The following BCAR3 variants were observed in gnomAD, a reference collection of about 807,000 sequenced individuals.
The protein encoded by BCAR3 is BCAR3 adaptor protein, NSP family member.
In BCAR3, 37 loss-of-function variants were observed where a neutral mutation model predicts 80.1. That is an observed-to-expected ratio of 0.46 (90% CI 0.36 to 0.61). The LOEUF is 0.61. BCAR3 is among the 20% of genes least tolerant of loss of function. The probability of loss-of-function intolerance (pLI) is 0.00; values close to 1 mark genes in which losing one functional copy is unlikely to be tolerated. For synonymous variants in BCAR3, 389 were observed against 418.9 expected (o/e 0.93, Z 0.87); for missense variants, 978 against 1,068.2 (o/e 0.92, Z 1.18).
Position 93,733,841 on chromosome 1 carries a change from C to A in BCAR3, c.-62-27699G>T, listed in dbSNP as rs192898590. ...GGGACTAGTATAAAGGTTATTCAAA[C>A]ATTCTTTTTTCTTTTAAGCATTAGG... On this transcript the variant is annotated intron_variant, in intron 2 of 13. Coordinates refer to the BCAR3 transcript ENST00000370244. Among the ~76,000 whole-genome samples the A allele has an allele frequency of 6.5e-3, 997 of 152,322 alleles. 6 individuals are homozygous for A. Among genetic ancestry groups the A allele is most frequent in the Non-Finnish European group, 9.7e-3 (657 of 68,020 alleles).
At chr1:93,758,027 A>G (rs977519539) in intron 2 of BCAR3, among the ~76,000 whole-genome samples, 1 of 152,122 alleles carries the variant, frequency 6.6e-6, no homozygotes, top group Non-Finnish European at 1.5e-5. Context: ...GAGGGAAAGG[A>G]GGAGCCCTTG....
intron 2 of BCAR3, among the ~76,000 whole-genome samples, chr1:93,711,764 G>A (rs908204536): frequency 7.9e-5 from 12 of 152,124 alleles, no homozygotes; most frequent in African/African-American, 2.4e-4. Context: ...ACCTTTAGTT[G>A]TCCTCATCTT....
At chr1:93,634,380 T>C (rs1302605967) in intron 3 of BCAR3, among the ~76,000 whole-genome samples, 1 of 151,980 alleles carries the variant, frequency 6.6e-6, no homozygotes, top group East Asian at 1.9e-4. Flanking sequence ...ATAAGTCTCA[T>C]GAGATCTGAT....
chr1:93,702,055 C>T (rs77334015), intron 3 of BCAR3, among the ~76,000 whole-genome samples: 4,463 of 152,212 alleles, frequency 0.029, 213 homozygotes, highest in African/African-American at 0.1. Flanking sequence ...ACAAAAGAAA[C>T]CTCACCTTCC....
chr1:93,732,350 C>T (rs1038149826), intron 2 of BCAR3, among the ~76,000 whole-genome samples: 1 of 152,190 alleles, frequency 6.6e-6, no homozygotes, highest in African/African-American at 2.4e-5. Context: ...TGCAGTGGCT[C>T]ATGCCTGTAA....
chr1:93,582,175 G>T, intron 7 of BCAR3, 126 bp downstream of exon 7: 1 of 1,221,176 alleles, frequency 8.2e-7, no homozygotes, highest in Non-Finnish European at 1.1e-6. Context: ...CATTTAATGG[G>T]TGAGGCAGAG....
chr1:93,809,279 T>C (rs994986391), intron 2 of BCAR3, among the ~76,000 whole-genome samples: 2 of 151,300 alleles, frequency 1.3e-5, no homozygotes, highest in Admixed American at 6.6e-5. Context: ...AGAAAGTCAA[T>C]AGAAAAGAAT....
chr1:93,721,507 T>G (rs1208575356), intron 2 of BCAR3, among the ~76,000 whole-genome samples: 3 of 152,160 alleles, frequency 2.0e-5, no homozygotes, highest in Non-Finnish European at 4.4e-5. Context: ...CTCCTGGGAA[T>G]GCGACGGAAC....
chr1:93,650,428 A>G (rs1453730899), intron 2 of BCAR3, among the ~76,000 whole-genome samples: 1 of 152,206 alleles, frequency 6.6e-6, no homozygotes, highest in East Asian at 1.9e-4. Context: ...CAGTCACTCC[A>G]GCTGAGTGAT....
upstream of BCAR3, among the ~76,000 whole-genome samples, chr1:93,682,358 A>C (rs368500130): frequency 2.6e-5 from 4 of 152,330 alleles, no homozygotes; most frequent in East Asian, 7.7e-4. Flanking sequence ...TTATATCAAG[A>C]TCCATTATAA....
chr1:93,684,392 CCT>C (rs1233550970), upstream of BCAR3, among the ~76,000 whole-genome samples: 1 of 152,136 alleles, frequency 6.6e-6, no homozygotes. Flanking sequence ...CCATTCTTCC[CCT>C]CAGTCCCTCC....
chr1:93,765,827 C>T (rs983579372), intron 2 of BCAR3, among the ~76,000 whole-genome samples: 14 of 151,810 alleles, frequency 9.2e-5, no homozygotes, highest in African/African-American at 3.1e-4. Flanking sequence ...CCACCATGCC[C>T]GGCTAATTTT....
chr1:93,571,033 G>A (rs1037221365), intron 9 of BCAR3, among the ~76,000 whole-genome samples: 5 of 151,784 alleles, frequency 3.3e-5, no homozygotes, highest in Non-Finnish European at 7.4e-5. Flanking sequence ...GCAAAACCCC[G>A]TCTCTACTAA....
chr1:93,626,681 A>G (rs74101645), intron 3 of BCAR3, among the ~76,000 whole-genome samples: 4,777 of 152,306 alleles, frequency 0.031, 84 homozygotes, highest in Middle Eastern at 0.054. Flanking sequence ...AATTGAAGAA[A>G]AATAGCCAGT....
Position 93,589,144 on chromosome 1 carries a change from G to A in BCAR3, c.762C>T (p.Asn254=). Residue 254 remains asparagine, a synonymous_variant, in exon 5 of 12, where the codon AAC becomes AAT. Transcript: ENST00000260502. ...QSGAIIFQPI[N]RTVPLRCLEE... ...CCAGGCACCGCAGAGGCACCGTCCTGTTGATGGGCTGGAAGATGATGGCGC... is the reference window on the plus strand; with the variant it reads ...CCAGGCACCGCAGAGGCACCGTCCTATTGATGGGCTGGAAGATGATGGCGC... 1 of 1,613,704 alleles carries A rather than the reference G, an allele frequency of 6.2e-7. No individual in the cohort carries two copies. The highest frequency in any genetic ancestry group is 8.5e-7 in the Non-Finnish European group (1 of 1,179,864).
At chr1:93,670,437 G>A (rs1021811128) in intron 2 of BCAR3, among the ~76,000 whole-genome samples, 1 of 152,194 alleles carries the variant, frequency 6.6e-6, no homozygotes, top group African/African-American at 2.4e-5. Flanking sequence ...CAAAGTAGGT[G>A]TCCAAAGCAC....
intron 2 of BCAR3, among the ~76,000 whole-genome samples, chr1:93,843,944 T>C (rs1319928527): frequency 6.6e-6 from 1 of 152,160 alleles, no homozygotes; most frequent in East Asian, 1.9e-4. Flanking sequence ...GCAAAGCTAG[T>C]GCAAATATAT....
intron 3 of BCAR3, among the ~76,000 whole-genome samples, chr1:93,689,522 A>G (rs2101962567): frequency 7.1e-6 from 1 of 141,266 alleles, no homozygotes; most frequent in African/African-American, 3.1e-5. Context: ...CAAGAGCAAA[A>G]CTACATCTCA....
chr1:93,708,683 T>C (rs1162537245), intron 2 of BCAR3, among the ~76,000 whole-genome samples: 4 of 152,210 alleles, frequency 2.6e-5, no homozygotes, highest in Admixed American at 2.0e-4. Flanking sequence ...GTCACCACCA[T>C]AGAGTCCCCT....
Sources: gnomAD v4.1 joint callset for allele counts (sites outside exome capture counted in the v4.1 genomes callset) on GRCh38, gnomAD v4.1.1 for gene constraint, MANE v1.5 for transcripts, NCBI Gene and HGNC (gene_info 2026-07-23, HGNC 2026-07-21) for gene names.